Variants in TMEM38B observed in about 807,000 individuals in gnomAD.
TMEM38B encodes transmembrane protein 38B.
In TMEM38B, 24 loss-of-function variants were observed where a neutral mutation model predicts 28.7. The observed-to-expected ratio is 0.84, with a 90% CI of 0.61 to 1.18. TMEM38B has a LOEUF of 1.18. Ranked by LOEUF, TMEM38B falls within the 50% of genes most tolerant of loss-of-function variation. TMEM38B has a pLI of 0.00. For missense variants in TMEM38B, 380 were observed against 350.9 expected, an observed-to-expected ratio of 1.08 and a Z score of -0.66; for synonymous variants, 131 against 127.7, an observed-to-expected ratio of 1.03 and a Z score of -0.17.
chr9:105,717,055 C>T (rs181822124), intron 2 of TMEM38B, among the ~76,000 whole-genome samples: 182 of 152,136 alleles, frequency 1.2e-3, no homozygotes, highest in Non-Finnish European at 1.8e-3. Flanking sequence ...AACTATTGTG[C>T]GTGGGATTTT....
chr9:105,750,559 A>C (rs539347925), intron 5 of TMEM38B, among the ~76,000 whole-genome samples: 5 of 152,338 alleles, frequency 3.3e-5, no homozygotes, highest in Non-Finnish European at 5.9e-5. Flanking sequence ...GGCTGCAGTG[A>C]GATGAGATTG....
chr9:105,761,395 G>A (rs1267504558), intron 5 of TMEM38B, among the ~76,000 whole-genome samples: 1 of 152,006 alleles, frequency 6.6e-6, no homozygotes, highest in Non-Finnish European at 1.5e-5. Context: ...ATTCTAATTT[G>A]CATAATCTAT....
intron 2 of TMEM38B, among the ~76,000 whole-genome samples, chr9:105,711,820 CAAA>C (rs534100894): frequency 5.0e-5 from 5 of 99,608 alleles, no homozygotes; most frequent in Admixed American, 1.1e-4. Context: ...ACCCTGTCTC[CAAA>C]AAAAAAAAAA....
chr9:105,767,704 ATAG>A (rs527255664), intron 5 of TMEM38B, among the ~76,000 whole-genome samples: 1 of 152,154 alleles, frequency 6.6e-6, no homozygotes, highest in African/African-American at 2.4e-5. Flanking sequence ...GCCTTTAGAA[ATAG>A]TAGTTTTTCA....
intron 4 of TMEM38B, among the ~76,000 whole-genome samples, chr9:105,729,179 G>C (rs2133588120): frequency 6.6e-6 from 1 of 152,300 alleles, no homozygotes; most frequent in Middle Eastern, 3.4e-3. Flanking sequence ...GAATGGCATT[G>C]CCTAGGTTTT....
chr9:105,722,844 C>T (rs954107910), intron 4 of TMEM38B, among the ~76,000 whole-genome samples: 2 of 151,874 alleles, frequency 1.3e-5, no homozygotes, highest in South Asian at 2.1e-4. Context: ...GGGTTTCTCT[C>T]CTTAGAAAAC....
chr9:105,730,193 A>G (rs913704356), intron 4 of TMEM38B, among the ~76,000 whole-genome samples: 7 of 152,308 alleles, frequency 4.6e-5, no homozygotes, highest in East Asian at 3.9e-4. Flanking sequence ...TTGCCCATTC[A>G]GTATGATACT....
Position 105,748,031 on chromosome 9 carries a change from C to A in TMEM38B, c.543-42C>A, listed in dbSNP as rs1052085057. 4.5e-6 allele frequency: 6 copies of A among 1,329,372 alleles called. No homozygotes were observed. In the South Asian group the frequency reaches 4.8e-5, roughly 11 times the overall value. 82.3% of individuals were successfully genotyped at this position (1,329,372 alleles called of 1,614,324 possible). The stretch of plus-strand genomic sequence containing the variant: ...CTCTTTGAGAAAGTTAGAGATATGT[C>A]ATATTTATTACTTGCTGATTTAAAA... On this transcript the variant is annotated intron_variant, in intron 4 of 5. Coordinates refer to ENST00000374692, the MANE Select transcript of TMEM38B (RefSeq NM_018112.3).
intron 5 of TMEM38B, among the ~76,000 whole-genome samples, chr9:105,756,763 AT>A (rs1837847364): frequency 6.6e-6 from 1 of 152,138 alleles, no homozygotes; most frequent in Non-Finnish European, 1.5e-5. Flanking sequence ...ATCTCTTATA[AT>A]ATTTCTCAAC....
At chr9:105,704,257 T>G (rs1835566879) in intron 1 of TMEM38B, among the ~76,000 whole-genome samples, 2 of 151,474 alleles carry the variant, frequency 1.3e-5, no homozygotes, top group Admixed American at 6.6e-5. Context: ...ATTAGCCTGG[T>G]GTGGTGGCGC....
intron 1 of TMEM38B, among the ~76,000 whole-genome samples, chr9:105,704,461 A>T (rs2133551066): frequency 6.6e-6 from 1 of 152,264 alleles, no homozygotes; most frequent in East Asian, 1.9e-4. Context: ...CATTGTTCAT[A>T]TCTAGAATGT....
chr9:105,725,526 T>C (rs1208787009), intron 4 of TMEM38B, among the ~76,000 whole-genome samples: 1 of 151,974 alleles, frequency 6.6e-6, no homozygotes, highest in Admixed American at 6.6e-5. Flanking sequence ...ATTTCATCAT[T>C]ATGTGAATGT....
chr9:105,759,322 A>G (rs1453773797), intron 5 of TMEM38B: 6 of 954,660 alleles, frequency 6.3e-6, no homozygotes, highest in African/African-American at 1.6e-5. Flanking sequence ...TTCCTTCACA[A>G]TTTGAATTCC....
intron 2 of TMEM38B, among the ~76,000 whole-genome samples, chr9:105,715,321 ATCT>A (rs1443357270): frequency 6.6e-6 from 1 of 151,858 alleles, no homozygotes; most frequent in Non-Finnish European, 1.5e-5. Flanking sequence ...CTCTTTTAAG[ATCT>A]TTTTTTTCTA....
intron 1 of TMEM38B, among the ~76,000 whole-genome samples, chr9:105,699,314 C>G (rs1257039590): frequency 6.6e-6 from 1 of 152,106 alleles, no homozygotes; most frequent in African/African-American, 2.4e-5. Flanking sequence ...CAACTTTTTC[C>G]TATCCCCCCA....
chr9:105,775,519 T>G lies in TMEM38B; in HGVS notation c.*1439T>G, dbSNP rs1437316774. The G allele has an allele frequency of 3.3e-5, 5 of 152,062 alleles. No homozygotes were observed. Among genetic ancestry groups the G allele is most frequent in the Admixed American group, 2.0e-4 (3 of 15,262 alleles). 9.4% of individuals were successfully genotyped at this position (152,062 alleles called of 1,614,324 possible). A position where few individuals can be genotyped will look rare whatever the true frequency, so the allele number is the denominator to read the frequency against. ...TTTTTGTTGTTGTTATTTTAAATTT[T>G]TAACAAATATAAACACCAGCAGATA... is the stretch of plus-strand genomic sequence containing the variant. On this transcript the variant is annotated 3_prime_UTR_variant, in exon 6 of 6. Coordinates refer to ENST00000374692, the MANE Select transcript of TMEM38B (RefSeq NM_018112.3).
At chr9:105,758,576 A>G (rs2133635399) in intron 5 of TMEM38B, 2 of 1,096,620 alleles carry the variant, frequency 1.8e-6, no homozygotes, top group African/African-American at 3.1e-5. Flanking sequence ...AGAATCATGT[A>G]ATTGAAGATA....
At chr9:105,748,607 C>T (rs1034503331) in intron 5 of TMEM38B, among the ~76,000 whole-genome samples, 2 of 152,092 alleles carry the variant, frequency 1.3e-5, no homozygotes, top group Admixed American at 6.6e-5. Context: ...ATTACTATTG[C>T]CTGGTTGGAA....
rs146415994 is a variant in TMEM38B, at chr9:105,769,964, G to A, written c.661-3901G>A. On this transcript the variant is annotated intron_variant, in intron 5 of 5. Coordinates refer to ENST00000374692, the MANE Select transcript of TMEM38B (RefSeq NM_018112.3). ...GGAGGAGGAGATAGTTTTAAAGAGC[G>A]TAGATGTGCTGAATACTGATGAGAA... 5.9e-4 allele frequency among the ~76,000 whole-genome samples: 90 copies of A among 152,154 alleles called. 1 individual carries two copies. In the East Asian group the frequency reaches 0.013, roughly 22 times the overall value.
Sources: gnomAD v4.1 joint callset for allele counts (sites outside exome capture counted in the v4.1 genomes callset) on GRCh38, gnomAD v4.1.1 for gene constraint, MANE v1.5 for transcripts, NCBI Gene and HGNC (gene_info 2026-07-23, HGNC 2026-07-21) for gene names.